The following DLG2 variants were observed in gnomAD, a reference collection of about 807,000 sequenced individuals.
DLG2 encodes discs large MAGUK scaffold protein 2.
A neutral mutation model predicts 132.5 loss-of-function variants in DLG2; 45 were observed. That is an observed-to-expected ratio of 0.34 (90% CI 0.27 to 0.44). The LOEUF is 0.44. Among genes scored for constraint, DLG2 ranks in the 20% least tolerant of loss-of-function variants. The pLI is 1.00. For missense variants in DLG2, 1,045 were observed against 1,196.9 expected (o/e 0.87, Z 1.87); for synonymous variants, 424 against 419.6 (o/e 1.01, Z -0.13).
intron 6 of DLG2, among the ~76,000 whole-genome samples, chr11:85,008,332 T>A (rs1403295661): frequency 1.3e-5 from 2 of 152,154 alleles, no homozygotes; most frequent in Non-Finnish European, 2.9e-5. Context: ...TCTAATTCCA[T>A]CCTTGATTCT....
At chr11:84,256,737 ATATATGG>A (rs1240360609) in intron 7 of DLG2, among the ~76,000 whole-genome samples, 1 of 152,156 alleles carries the variant, frequency 6.6e-6, no homozygotes, top group Admixed American at 6.5e-5. Flanking sequence ...AATGACTTTT[ATATATGG>A]TATGGCATGA....
chr11:84,764,228 G>C (rs2068062614), intron 6 of DLG2, among the ~76,000 whole-genome samples: 1 of 152,104 alleles, frequency 6.6e-6, no homozygotes, highest in African/African-American at 2.4e-5. Flanking sequence ...CTGGAGGCAG[G>C]TGGCCAAATG....
At chr11:85,429,408 T>A (rs1253352770) in intron 3 of DLG2, among the ~76,000 whole-genome samples, 1 of 152,034 alleles carries the variant, frequency 6.6e-6, no homozygotes, top group East Asian at 1.9e-4. Context: ...GAAAATACCA[T>A]CAGAGTGAAC....
At chr11:83,510,092 GC>G (rs1181428329) in intron 21 of DLG2, among the ~76,000 whole-genome samples, 1 of 152,136 alleles carries the variant, frequency 6.6e-6, no homozygotes, top group Non-Finnish European at 1.5e-5. Flanking sequence ...AGTCACTTTT[GC>G]TCCCTGAACA....
intron 3 of DLG2, among the ~76,000 whole-genome samples, chr11:85,471,946 A>C (rs2092996845): frequency 6.6e-6 from 1 of 152,210 alleles, no homozygotes; most frequent in Non-Finnish European, 1.5e-5. Context: ...AGGAACCATA[A>C]TGTGACTTTT....
chr11:85,602,931 C>T (rs2080271767), intron 2 of DLG2, among the ~76,000 whole-genome samples: 1 of 152,092 alleles, frequency 6.6e-6, no homozygotes, highest in African/African-American at 2.4e-5. Flanking sequence ...TAAGGCCTTC[C>T]CTAATACTCC....
At chr11:83,994,513 G>A (rs2093915759) in intron 11 of DLG2, among the ~76,000 whole-genome samples, 1 of 152,092 alleles carries the variant, frequency 6.6e-6, no homozygotes, top group African/African-American at 2.4e-5. Context: ...GGGACTATAG[G>A]TGAGCACCAC....
intron 6 of DLG2, among the ~76,000 whole-genome samples, chr11:84,606,702 G>A (rs995819674): frequency 2.0e-5 from 3 of 152,046 alleles, no homozygotes; most frequent in East Asian, 1.9e-4. Context: ...AAGTGCACTC[G>A]CATTATGAAA....
At position 83,497,187 on chromosome 11, in the gene DLG2, C is replaced by T. The variant is rs575945339; in HGVS notation, c.2194-12959G>A. On this transcript the variant is annotated intron_variant, in intron 21 of 27. Coordinates refer to ENST00000376104, the MANE Select transcript of DLG2 (RefSeq NM_001142699.3). ...GAGAGAAAATGTGGGCAAAGCAAAACAAAACAAACACAACAAAATAACTGA... is the reference window on the plus strand; with the variant it reads ...GAGAGAAAATGTGGGCAAAGCAAAATAAAACAAACACAACAAAATAACTGA... 2.0e-3 allele frequency among the ~76,000 whole-genome samples: 304 copies of T among 152,142 alleles called. 2 individuals are homozygous for T. Among genetic ancestry groups the T allele is most frequent in the African/African-American group, 6.8e-3 (282 of 41,532 alleles).
rs188426343 is a variant in DLG2, at chr11:85,392,145, G to C, written c.41-106780C>G. Among the ~76,000 whole-genome samples, 144 of 152,012 alleles carry C rather than the reference G, an allele frequency of 9.5e-4. 2 individuals carry two copies. The highest frequency in any genetic ancestry group is 1.6e-4 in the Non-Finnish European group (11 of 67,884). On this transcript the variant is annotated intron_variant, in intron 3 of 27. Transcript: ENST00000376104. Reference sequence around the variant, plus strand: ...AGTGGCTCTGCTATACACCAACAGCGACCAAGTTGAAAATCAAATCAAGAA... The same window carrying C: ...AGTGGCTCTGCTATACACCAACAGCCACCAAGTTGAAAATCAAATCAAGAA...
chr11:85,626,564 A>C (rs1037863579), intron 2 of DLG2, 23 bp downstream of exon 2: 2 of 152,208 alleles, frequency 1.3e-5, no homozygotes, highest in African/African-American at 4.8e-5. Context: ...AACCAACAAA[A>C]GGGAGAAATA....
intron 5 of DLG2, among the ~76,000 whole-genome samples, chr11:85,146,227 C>CTCTCTCTCTCTCTCTCTCTCTCT (rs1555384682): frequency 2.3e-5 from 3 of 129,204 alleles, no homozygotes; most frequent in African/African-American, 9.1e-5. Flanking sequence ...TCTGTTTCTC[C>CTCTCTCTCTCTCTCTCTCTCTCT]CTCTCTCTCT....
At chr11:84,028,909 A>C (rs1348179807) in intron 11 of DLG2, among the ~76,000 whole-genome samples, 1 of 152,136 alleles carries the variant, frequency 6.6e-6, no homozygotes. Flanking sequence ...CTTGAAGAAA[A>C]TTTCAGAAAA....
At chr11:84,624,875 T>TTTTTTTTTTTTTTTTTTTTTC (rs1381895712) in intron 6 of DLG2, among the ~76,000 whole-genome samples, 1 of 127,424 alleles carries the variant, frequency 7.8e-6, no homozygotes, top group African/African-American at 3.6e-5. Flanking sequence ...TTTTTTTTTT[T>TTTTTTTTTTTTTTTTTTTTTC]GAGACGGAGT....
At chr11:83,814,093 CA>C (rs1029950270) in intron 17 of DLG2, among the ~76,000 whole-genome samples, 1 of 151,506 alleles carries the variant, frequency 6.6e-6, no homozygotes, top group Non-Finnish European at 1.5e-5. Flanking sequence ...CCCATCAGAC[CA>C]AAAAAATATT....
intron 2 of DLG2, among the ~76,000 whole-genome samples, chr11:85,613,928 A>G (rs2081174055): frequency 6.6e-6 from 1 of 152,192 alleles, no homozygotes; most frequent in Non-Finnish European, 1.5e-5. Flanking sequence ...CAAGACCACA[A>G]ACCCACCAGG....
Position 85,160,846 on chromosome 11 carries a change from C to CGAAG in DLG2, c.187-6196_187-6195insCTTC, listed in dbSNP as rs1305609475. ...GCACAATTATGCAGGCACCATACCC[C>CGAAG]TGCATACTACAGCTGCAGCACTACA... On this transcript the variant is annotated intron_variant, in intron 4 of 27. Transcript: ENST00000376104. 1.9e-3 allele frequency among the ~76,000 whole-genome samples: 287 copies of CGAAG among 152,278 alleles called. 1 individual carries two copies. Among genetic ancestry groups the CGAAG allele is most frequent in the African/African-American group, 6.7e-3 (279 of 41,574 alleles).
chr11:84,144,342 T>A (rs1199013133), intron 9 of DLG2, among the ~76,000 whole-genome samples: 2 of 152,080 alleles, frequency 1.3e-5, no homozygotes. Context: ...ACCCCTACAG[T>A]CACAAAACAG....
At chr11:83,969,217 C>T (rs924287459) in intron 12 of DLG2, among the ~76,000 whole-genome samples, 12 of 152,094 alleles carry the variant, frequency 7.9e-5, no homozygotes, top group Non-Finnish European at 1.5e-4. Flanking sequence ...AGCCTCCTTA[C>T]GAGATGAAAA....
Sources: gnomAD v4.1 joint callset for allele counts (sites outside exome capture counted in the v4.1 genomes callset) on GRCh38, gnomAD v4.1.1 for gene constraint, MANE v1.5 for transcripts, NCBI Gene and HGNC (gene_info 2026-07-23, HGNC 2026-07-21) for gene names.